CDC45: variants seen among roughly 807,000 people sequenced by gnomAD.
CDC45 encodes cell division control protein 45 homolog.
CDC45 carries 54 observed loss-of-function variants against 77.8 expected under a neutral mutation model. The observed-to-expected ratio is 0.69, with a 90% CI of 0.56 to 0.87. CDC45 has a LOEUF of 0.87. Among genes scored for constraint, CDC45 ranks in the 40% least tolerant of loss-of-function variants. CDC45 has a pLI of 0.00. For synonymous variants in CDC45, 260 were observed against 272.1 expected (o/e 0.96, Z 0.44); for missense variants, 649 against 721.6 (o/e 0.90, Z 1.15).
Position 19,499,020 on chromosome 22 carries a change from TC to T in CDC45, c.654-79del, listed in dbSNP as rs1601951839. 2.7e-6 allele frequency: 4 copies of T among 1,456,468 alleles called. No individual in the cohort carries two copies. The East Asian group carries it at 9.1e-5, about 33-fold the overall frequency. The allele number at this position is 1,456,468 out of a possible 1,614,324, so 90.2% of individuals were successfully genotyped here. On this transcript the variant is annotated intron_variant, in intron 8 of 18. Coordinates refer to ENST00000263201, the MANE Select transcript of CDC45 (RefSeq NM_003504.5). ...CCCAGAGTGCTGAGCTTGGGCCCGTTCCATCATCTCACTCCATCCCCCAGGC... is the reference window on the plus strand; with the variant it reads ...CCCAGAGTGCTGAGCTTGGGCCCGTTCATCATCTCACTCCATCCCCCAGGC...
intron 5 of CDC45, among the ~76,000 whole-genome samples, chr22:19,490,127 C>G (rs1259511581): frequency 1.3e-5 from 2 of 152,202 alleles, no homozygotes; most frequent in Admixed American, 1.3e-4. Context: ...CACGATATAT[C>G]TTTTCACATT....
intron 15 of CDC45, among the ~76,000 whole-genome samples, chr22:19,515,523 A>C (rs1198645471): frequency 2.0e-5 from 3 of 152,214 alleles, no homozygotes; most frequent in Non-Finnish European, 4.4e-5. Flanking sequence ...GGCTCCTCCC[A>C]GATGTGACAT....
intron 8 of CDC45, among the ~76,000 whole-genome samples, chr22:19,497,940 C>G (rs1358317960): frequency 6.6e-6 from 1 of 151,944 alleles, no homozygotes; most frequent in Admixed American, 6.6e-5. Flanking sequence ...CCCTGTAATC[C>G]CAGCACTTTG....
intron 10 of CDC45, among the ~76,000 whole-genome samples, chr22:19,506,883 G>A (rs1439200283): frequency 1.3e-5 from 2 of 151,716 alleles, no homozygotes; most frequent in Non-Finnish European, 2.9e-5. Flanking sequence ...GCAGCGAGCC[G>A]AGATCGTGCC....
rs1853702876 is a variant in CDC45, at chr22:19,499,129, T to A, written c.682T>A (p.Trp228Arg). ...WWAIVGLTDQ[W>R]VQDKITQMKY... ...GGCCATCGTTGGACTAACAGACCAG[T>A]GGGTGCAAGACAAGATCACTCAGTA... Residue 228 changes from tryptophan to arginine, a missense_variant, in exon 9 of 19, where the codon TGG becomes AGG. By Grantham distance (101) the Trp-to-Arg change is moderately radical. Transcript: ENST00000263201. 1.2e-6 allele frequency: 2 copies of A among 1,614,006 alleles called. No homozygotes were observed. The highest frequency in any genetic ancestry group is 1.7e-6 in the Non-Finnish European group (2 of 1,180,004).
At chr22:19,515,668 T>A (rs1933746549) in intron 15 of CDC45, among the ~76,000 whole-genome samples, 1 of 152,202 alleles carries the variant, frequency 6.6e-6, no homozygotes, top group Admixed American at 6.5e-5. Flanking sequence ...ACAGATGACA[T>A]GTGTTCTATC....
At chr22:19,480,282 C>A in intron 2 of CDC45, 65 bp downstream of exon 2, 1 of 1,452,266 alleles carries the variant, frequency 6.9e-7, no homozygotes, top group Non-Finnish European at 9.6e-7. Context: ...CGTGGGGGCG[C>A]AGGGCGGGCA....
chr22:19,518,736 C>T (rs1166016546), intron 17 of CDC45, 108 bp from the exon 18 acceptor site: 22 of 842,644 alleles, frequency 2.6e-5, no homozygotes, highest in South Asian at 1.7e-4. Flanking sequence ...CGGGAGGAGC[C>T]GCGCACTTTG....
chr22:19,498,637 A>G (rs898937037), intron 8 of CDC45, among the ~76,000 whole-genome samples: 5 of 152,208 alleles, frequency 3.3e-5, no homozygotes, highest in African/African-American at 9.6e-5. Flanking sequence ...GAACACAACT[A>G]GGGCCCCCTG....
intron 5 of CDC45, among the ~76,000 whole-genome samples, chr22:19,492,713 G>A (rs1040208548): frequency 3.9e-5 from 6 of 152,062 alleles, no homozygotes; most frequent in African/African-American, 1.4e-4. Flanking sequence ...ATGAGATTTC[G>A]TGTCTTCTTT....
rs1204402519 is a variant in CDC45 at position 19,514,896 on chromosome 22, T to G, written c.1356+9T>G. 6.2e-7 allele frequency: 1 copy of G among 1,614,218 alleles called. No individual in the cohort carries two copies. The highest frequency in any genetic ancestry group is 8.5e-7 in the Non-Finnish European group (1 of 1,180,044). ...ACTGCTCTCTCATGGAGGTCAGGCT[T>G]CCCACAGAGCACAGGCGCCTGGTCA... On this transcript the variant is annotated intron_variant, in intron 14 of 18. Transcript: ENST00000263201.
chr22:19,494,775 G>A (rs1231056054), intron 6 of CDC45, among the ~76,000 whole-genome samples: 2 of 152,146 alleles, frequency 1.3e-5, no homozygotes, highest in Admixed American at 6.5e-5. Context: ...GGTGGGTCCC[G>A]GGGGAAGCCC....
rs1054820179 is a variant in CDC45, at chr22:19,493,356, T to C, written c.487-971T>C. On this transcript the variant is annotated intron_variant, in intron 5 of 18. Coordinates refer to ENST00000263201, the MANE Select transcript of CDC45 (RefSeq NM_003504.5). ...ACCAGAAGGAAAACTCAAGGAACACTGTGTTGTTCCTCATGTCCCAGAGTC... is the reference window on the plus strand; with the variant it reads ...ACCAGAAGGAAAACTCAAGGAACACCGTGTTGTTCCTCATGTCCCAGAGTC... Among the ~76,000 whole-genome samples, 14 of 152,242 alleles carry C rather than the reference T, an allele frequency of 9.2e-5. No individual in the cohort carries two copies. The South Asian group carries it at 1.0e-3, about 11-fold the overall frequency.
chr22:19,505,275 G>A (rs1354479428), intron 9 of CDC45, 87 bp from the exon 10 acceptor site: 1 of 1,525,678 alleles, frequency 6.6e-7, no homozygotes, highest in Admixed American at 1.7e-5. Flanking sequence ...CCTGAGGAAG[G>A]CCTTGAGCGG....
At chr22:19,481,186 A>G (rs113980624) in intron 3 of CDC45, 141 bp downstream of exon 3, 7 of 569,550 alleles carry the variant, frequency 1.2e-5, no homozygotes, top group Admixed American at 6.9e-5. Flanking sequence ...AACATGCTGT[A>G]TTTACTGGTG....
Position 19,518,847 on chromosome 22 carries a change from T to C in CDC45, c.1640T>C (p.Ile547Thr), listed in dbSNP as rs1602002801. 1.9e-6 allele frequency: 3 copies of C among 1,613,934 alleles called. No homozygotes were observed. The highest frequency in any genetic ancestry group is 2.2e-5 in the East Asian group (1 of 44,866). ...TGTTTTTCTTTCATTACTTCAGTAA[T>C]TGAGCTGAAAGCTGAGGATCGGAGC... ...MLHNHFDLSV[I>T]ELKAEDRSKF... is the part of the protein sequence containing the mutation. Residue 547 changes from isoleucine to threonine, a missense_variant, in exon 18 of 19, where the codon ATT (isoleucine) becomes ACT (threonine). Transcript: ENST00000263201.
At chr22:19,486,776 A>G (rs545536075) in intron 5 of CDC45, among the ~76,000 whole-genome samples, 46 of 152,246 alleles carry the variant, frequency 3.0e-4, no homozygotes, top group African/African-American at 1.1e-3. Context: ...TCCTGGGTTC[A>G]TGCCATTCTC....
In CDC45 at chr22:19,495,962, G is replaced by C; in HGVS notation, c.543-19G>C. The C allele has an allele frequency of 6.3e-7, 1 of 1,599,592 alleles. No homozygotes were observed. The highest frequency in any genetic ancestry group is 8.6e-7 in the Non-Finnish European group (1 of 1,167,188). On this transcript the variant is annotated intron_variant, in intron 6 of 18. Coordinates refer to ENST00000263201, the MANE Select transcript of CDC45 (RefSeq NM_003504.5). ...TACTGCTACTTCCTGTTGAAGACCT[G>C]CATTTTATGTCATTACAGAAGAGAC...
chr22:19,489,834 T>G (rs1417762181), intron 5 of CDC45, among the ~76,000 whole-genome samples: 1 of 152,254 alleles, frequency 6.6e-6, no homozygotes, highest in Admixed American at 6.5e-5. Context: ...GTTTGCTTGC[T>G]GCTTTTCTGG....
Sources: allele counts gnomAD v4.1 joint callset (sites outside exome capture counted in the v4.1 genomes callset), GRCh38; gene constraint gnomAD v4.1.1; transcripts MANE v1.5; gene names NCBI Gene and HGNC (gene_info 2026-07-23, HGNC 2026-07-21).